DDHD1: variants seen among roughly 807,000 people sequenced by gnomAD.
DDHD1 encodes DDHD domain containing 1.
Under a neutral mutation model 96.4 loss-of-function variants are expected in DDHD1, and 49 were observed. The observed-to-expected ratio is 0.51, with a 90% CI of 0.40 to 0.64. DDHD1 has a LOEUF of 0.64. Ranked by LOEUF, DDHD1 falls within the 30% of genes least tolerant of loss-of-function variation. The pLI, the probability that DDHD1 is intolerant of heterozygous loss-of-function variation, is 0.00. For synonymous variants in DDHD1, 442 were observed against 446.5 expected (o/e 0.99, Z 0.13); for missense variants, 1,106 against 1,161.2 (o/e 0.95, Z 0.69).
intron 4 of DDHD1, among the ~76,000 whole-genome samples, chr14:53,084,414 C>T (rs1354966371): frequency 6.6e-6 from 1 of 152,118 alleles, no homozygotes; most frequent in Non-Finnish European, 1.5e-5. Flanking sequence ...TTATCAATGG[C>T]TCCAGAGAGA....
At chr14:53,118,866 T>C (rs1888756971) in intron 1 of DDHD1, among the ~76,000 whole-genome samples, 1 of 152,098 alleles carries the variant, frequency 6.6e-6, no homozygotes, top group Non-Finnish European at 1.5e-5. Context: ...AATTGTCAGA[T>C]TCACCAAGGT....
Position 53,051,924 on chromosome 14 carries a change from A to T in DDHD1, c.2441T>A (p.Phe814Tyr), listed in dbSNP as rs1356921853. ...ATTAAAGAACGATTCTTGAAGTCTGAAATCTGTGAAAAAAAAACACAAGAT... is the reference window on the plus strand; with the variant it reads ...ATTAAAGAACGATTCTTGAAGTCTGTAATCTGTGAAAAAAAAACACAAGAT... Reference protein sequence around the residue: ...SSSGFLDSAYFRLQESFFNLP... With the variant: ...SSSGFLDSAYYRLQESFFNLP... Residue 814 changes from phenylalanine to tyrosine, a missense_variant, in exon 12 of 13, where the codon TTC becomes TAC. Phe to Tyr is a conservative substitution (Grantham distance 22). Transcript: ENST00000673822. 3 of 1,578,918 alleles carry T rather than the reference A, an allele frequency of 1.9e-6. No individual in the cohort carries two copies. Among genetic ancestry groups the T allele is most frequent in the African/African-American group, 2.7e-5 (2 of 74,272 alleles).
chr14:53,139,539 A>G (rs1890487460), intron 1 of DDHD1, among the ~76,000 whole-genome samples: 1 of 152,138 alleles, frequency 6.6e-6, no homozygotes, highest in Non-Finnish European at 1.5e-5. Context: ...TCAACTCCCA[A>G]CTAGGTTGCT....
rs765822432 is a variant in DDHD1 at position 53,152,964 on chromosome 14, G to A, written c.135C>T (p.Pro45=). 8 of 1,584,860 alleles carry A rather than the reference G, an allele frequency of 5.0e-6. No homozygotes were observed. The highest frequency in any genetic ancestry group is 4.6e-5 in the East Asian group (2 of 43,130). ...GGGVCCFEHL[P]GGDPDDGDVP... ...CGTCGCCGTCGTCCGGGTCCCCGCC[G>A]GGCAGGTGCTCGAAGCAGCAGACGC... Residue 45 remains proline, a synonymous_variant, in exon 1 of 13, where the codon CCC becomes CCT. Coordinates refer to ENST00000673822, the MANE Select transcript of DDHD1 (RefSeq NM_001160148.2).
At chr14:53,102,761 T>A (rs1178808333) in intron 2 of DDHD1, among the ~76,000 whole-genome samples, 1 of 152,014 alleles carries the variant, frequency 6.6e-6, no homozygotes. Context: ...CTGACATTAA[T>A]TATGTTATGT....
At chr14:53,105,232 C>T (rs975364590) in intron 1 of DDHD1, among the ~76,000 whole-genome samples, 1 of 151,894 alleles carries the variant, frequency 6.6e-6, no homozygotes, top group Non-Finnish European at 1.5e-5. Flanking sequence ...TAAGTGAACA[C>T]TCCTAATATA....
intron 1 of DDHD1, among the ~76,000 whole-genome samples, chr14:53,143,974 G>A (rs776494751): frequency 3.3e-5 from 5 of 152,168 alleles, no homozygotes; most frequent in Non-Finnish European, 5.9e-5. Context: ...CTTCTTGATG[G>A]ATTATAGGTC....
At chr14:53,136,038 T>C (rs1890216293) in intron 1 of DDHD1, among the ~76,000 whole-genome samples, 1 of 152,240 alleles carries the variant, frequency 6.6e-6, no homozygotes, top group Non-Finnish European at 1.5e-5. Flanking sequence ...AATTTGTTTC[T>C]GCCCCACCCT....
chr14:53,094,993 T>C (rs1054507913), intron 2 of DDHD1, among the ~76,000 whole-genome samples: 1 of 152,190 alleles, frequency 6.6e-6, no homozygotes, highest in Non-Finnish European at 1.5e-5. Flanking sequence ...CCATTTCTTA[T>C]ATATCCCTAG....
intron 2 of DDHD1, among the ~76,000 whole-genome samples, chr14:53,095,665 A>G (rs1261487111): frequency 3.3e-5 from 5 of 152,208 alleles, no homozygotes; most frequent in Middle Eastern, 3.2e-3. Context: ...CTTTTTAAAT[A>G]AAAGAGCTTT....
intron 6 of DDHD1, among the ~76,000 whole-genome samples, chr14:53,064,482 T>C (rs1056794103): frequency 1.3e-5 from 2 of 152,072 alleles, no homozygotes; most frequent in East Asian, 1.9e-4. Context: ...AATTAACCTA[T>C]TTCATATTCA....
chr14:53,117,869 C>G (rs1274005737), intron 1 of DDHD1, among the ~76,000 whole-genome samples: 1 of 152,174 alleles, frequency 6.6e-6, no homozygotes, highest in Admixed American at 6.5e-5. Flanking sequence ...GTCCCTGACC[C>G]CTGTGTTGCC....
At chr14:53,070,642 A>G (rs1884434299) in intron 6 of DDHD1, among the ~76,000 whole-genome samples, 2 of 152,184 alleles carry the variant, frequency 1.3e-5, no homozygotes, top group South Asian at 4.1e-4. Flanking sequence ...AATCTATGTC[A>G]TTTTACTAGC....
In DDHD1 at chr14:53,041,814, ACG is replaced by A; in HGVS notation, c.*4952_*4953del. On this transcript the variant is annotated 3_prime_UTR_variant, in exon 13 of 13. Coordinates refer to ENST00000673822, the MANE Select transcript of DDHD1 (RefSeq NM_001160148.2). ...AGGGACCAACTGCTAACTCAAGCCT[ACG>A]GCCATGTGTCAGATTAAAGCTTGCT... is the stretch of plus-strand genomic sequence containing the variant. 1 of 152,162 alleles carries A rather than the reference ACG, an allele frequency of 6.6e-6. No homozygotes were observed. Among genetic ancestry groups the A allele is most frequent in the Admixed American group, 6.6e-5 (1 of 15,256 alleles). The allele number at this position is 152,162 out of a possible 1,614,324, so 9.4% of individuals were successfully genotyped here.
intron 6 of DDHD1, among the ~76,000 whole-genome samples, chr14:53,066,958 C>CAAAA (rs34195210): frequency 3.0e-5 from 4 of 134,386 alleles, no homozygotes; most frequent in Admixed American, 1.5e-4. Context: ...GAACCTGTCT[C>CAAAA]AAAAAAAAAA....
intron 1 of DDHD1, among the ~76,000 whole-genome samples, chr14:53,145,815 A>C (rs1275041454): frequency 6.6e-6 from 1 of 152,230 alleles, no homozygotes; most frequent in Non-Finnish European, 1.5e-5. Flanking sequence ...CCAAAGGGTG[A>C]CCTGACCCCC....
rs1881333347 is a variant in DDHD1, at chr14:53,037,283, T to C, written c.*9485A>G. 6.6e-6 allele frequency: 1 copy of C among 152,160 alleles called. No individual in the cohort carries two copies. The highest frequency in any genetic ancestry group is 2.4e-5 in the African/African-American group (1 of 41,454). The allele number at this position is 152,160 out of a possible 1,614,324, so 9.4% of individuals were successfully genotyped here. A position where few individuals can be genotyped will look rare whatever the true frequency, so the allele number is the denominator to read the frequency against. On this transcript the variant is annotated 3_prime_UTR_variant, in exon 13 of 13. Coordinates refer to ENST00000673822, the MANE Select transcript of DDHD1 (RefSeq NM_001160148.2). ...TTTCCTTTTGGGAAATAAACCCATATGCTGGGTTGAATGGTAGATCTGTTT... is the reference window on the plus strand; with the variant it reads ...TTTCCTTTTGGGAAATAAACCCATACGCTGGGTTGAATGGTAGATCTGTTT...
intron 1 of DDHD1, among the ~76,000 whole-genome samples, chr14:53,104,615 A>C (rs540924490): frequency 6.6e-6 from 1 of 152,208 alleles, no homozygotes; most frequent in Non-Finnish European, 1.5e-5. Flanking sequence ...TATTTCATCT[A>C]CTTTAGGGAA....
chr14:53,054,572 G>A lies in DDHD1; in HGVS notation c.2303C>T (p.Ser768Leu), dbSNP rs767333193. The change falls in exon 11 of 13, where the codon TCA (serine) becomes TTA (leucine). Residue 768 changes from serine to leucine, a missense_variant. Ser to Leu is a moderately radical substitution (Grantham distance 145). Transcript: ENST00000673822. ...GGMLFSRFGRSSTTQSSETSK... is the reference protein window; with the variant it reads ...GGMLFSRFGRLSTTQSSETSK... ...TGTTTCAGATGACTGTGTTGTAGATGAACGTCCAAATCTTGAGAACAACAT... is the reference window on the plus strand; with the variant it reads ...TGTTTCAGATGACTGTGTTGTAGATAAACGTCCAAATCTTGAGAACAACAT... The A allele has an allele frequency of 1.9e-6, 3 of 1,613,958 alleles. No homozygotes were observed. The African/African-American group carries it at 4.0e-5, about 22-fold the overall frequency.
Sources: allele counts gnomAD v4.1 joint callset (sites outside exome capture counted in the v4.1 genomes callset), GRCh38; gene constraint gnomAD v4.1.1; transcripts MANE v1.5; gene names NCBI Gene and HGNC (gene_info 2026-07-23, HGNC 2026-07-21).